CSGALNACT1: variants seen among roughly 807,000 people sequenced by gnomAD.
CSGALNACT1 encodes the protein chondroitin sulfate N-acetylgalactosaminyltransferase 1, also known as beta4GalNAcT-1.
In CSGALNACT1, 52 loss-of-function variants were observed where a neutral mutation model predicts 51.0. The ratio of observed to expected loss-of-function variants is 1.02; its 90% confidence interval spans 0.82 to 1.29. CSGALNACT1 has a LOEUF of 1.29. CSGALNACT1 is among the 50% of genes most tolerant of loss of function. The probability of loss-of-function intolerance (pLI) is 0.00; values close to 1 mark genes in which losing one functional copy is unlikely to be tolerated. For synonymous variants in CSGALNACT1, 341 were observed against 254.4 expected (o/e 1.34, Z -3.24); for missense variants, 935 against 679.2 (o/e 1.38, Z -4.19).
intron 6 of CSGALNACT1, among the ~76,000 whole-genome samples, chr8:19,436,923 A>G (rs1563384791): frequency 6.6e-6 from 1 of 152,138 alleles, no homozygotes. Context: ...AAATATACAA[A>G]ACACATTACT....
At chr8:19,666,768 A>G (rs571057100) in intron 1 of CSGALNACT1, among the ~76,000 whole-genome samples, 1 of 8,360 alleles carries the variant, frequency 1.2e-4, no homozygotes, top group Non-Finnish European at 2.3e-4. Flanking sequence ...AAGAAGAAAG[A>G]AAGAAAGAAA....
Position 19,505,213 on chromosome 8 carries a change from CAG to C in CSGALNACT1, c.620_621del (p.Ser207Ter). On this transcript the variant is annotated frameshift_variant, in exon 4 of 10. Transcript: ENST00000454498. LOFTEE classifies it high-confidence loss of function. Reference sequence around the variant, plus strand: ...ACAAAATGCTAACCTTCTATGAAATCAGAGGCCGTGTAAGGACGGTGATTGGG... The same window carrying C: ...ACAAAATGCTAACCTTCTATGAAATCAGGCCGTGTAAGGACGGTGATTGGG... The C allele has an allele frequency of 6.2e-7, 1 of 1,614,166 alleles. No individual in the cohort carries two copies. The highest frequency in any genetic ancestry group is 8.5e-7 in the Non-Finnish European group (1 of 1,180,038).
intron 1 of CSGALNACT1, among the ~76,000 whole-genome samples, chr8:19,729,789 T>A (rs1052796997): frequency 6.6e-6 from 1 of 152,000 alleles, no homozygotes; most frequent in Non-Finnish European, 1.5e-5. Context: ...TGGTCCCATA[T>A]GACCTTGAGC....
intron 1 of CSGALNACT1, among the ~76,000 whole-genome samples, chr8:19,640,557 A>G (rs2056621562): frequency 6.6e-6 from 1 of 152,198 alleles, no homozygotes; most frequent in Non-Finnish European, 1.5e-5. Flanking sequence ...TCAAACTCAA[A>G]ATCAGTTCTC....
chr8:19,443,189 G>A (rs941199433), intron 5 of CSGALNACT1, among the ~76,000 whole-genome samples: 2 of 152,192 alleles, frequency 1.3e-5, no homozygotes, highest in Non-Finnish European at 2.9e-5. Flanking sequence ...TGGCTAACCT[G>A]GGAAGGTCCT....
intron 6 of CSGALNACT1, among the ~76,000 whole-genome samples, chr8:19,431,686 T>C (rs952771916): frequency 2.6e-5 from 4 of 152,140 alleles, no homozygotes; most frequent in East Asian, 3.8e-4. Context: ...AAAGAGTAAG[T>C]TGGAAAGTGT....
chr8:19,525,450 C>CA (rs1231432896), intron 3 of CSGALNACT1, among the ~76,000 whole-genome samples: 1 of 149,214 alleles, frequency 6.7e-6, no homozygotes, highest in Non-Finnish European at 1.5e-5. Context: ...CTAAAAAATA[C>CA]AAAAAAGAAA....
At chr8:19,527,980 A>C (rs955333000) in intron 3 of CSGALNACT1, among the ~76,000 whole-genome samples, 1 of 152,138 alleles carries the variant, frequency 6.6e-6, no homozygotes, top group African/African-American at 2.4e-5. Flanking sequence ...GTGGGAAGAA[A>C]AGGTGGTGCT....
At chr8:19,593,920 T>C (rs1564187693) in intron 2 of CSGALNACT1, among the ~76,000 whole-genome samples, 1 of 152,086 alleles carries the variant, frequency 6.6e-6, no homozygotes, top group East Asian at 1.9e-4. Flanking sequence ...CTTCCCTGTC[T>C]CTCCCTCTAG....
intron 5 of CSGALNACT1, among the ~76,000 whole-genome samples, chr8:19,440,803 G>A (rs1432096053): frequency 1.3e-5 from 2 of 152,070 alleles, no homozygotes; most frequent in African/African-American, 4.8e-5. Context: ...TGACATGATT[G>A]TATATCTAGA....
At chr8:19,571,962 A>G (rs1299093971) in intron 3 of CSGALNACT1, among the ~76,000 whole-genome samples, 1 of 152,216 alleles carries the variant, frequency 6.6e-6, no homozygotes, top group Non-Finnish European at 1.5e-5. Context: ...CATTTTCATC[A>G]AATAAGTCAT....
At chr8:19,738,215 C>A (rs1040466486) in intron 1 of CSGALNACT1, among the ~76,000 whole-genome samples, 4 of 152,122 alleles carry the variant, frequency 2.6e-5, no homozygotes, top group African/African-American at 9.7e-5. Context: ...AGAGCAGGAT[C>A]TCATCTCCAT....
intron 3 of CSGALNACT1, among the ~76,000 whole-genome samples, chr8:19,580,114 C>G (rs926885973): frequency 6.6e-6 from 1 of 152,232 alleles, no homozygotes; most frequent in Non-Finnish European, 1.5e-5. Flanking sequence ...ACTGGACGAG[C>G]AGACAGCTGC....
intron 1 of CSGALNACT1, among the ~76,000 whole-genome samples, chr8:19,741,756 G>A (rs1274618202): frequency 6.6e-6 from 1 of 152,106 alleles, no homozygotes; most frequent in Non-Finnish European, 1.5e-5. Flanking sequence ...TAAGGAACTT[G>A]TCTACAGGAA....
At chr8:19,522,903 T>A (rs1023173067) in intron 3 of CSGALNACT1, among the ~76,000 whole-genome samples, 1 of 152,208 alleles carries the variant, frequency 6.6e-6, no homozygotes, top group Non-Finnish European at 1.5e-5. Context: ...ATGTCTGTGG[T>A]GAGCGGAGTT....
intron 1 of CSGALNACT1, among the ~76,000 whole-genome samples, chr8:19,687,979 C>T (rs549555425): frequency 6.6e-6 from 1 of 152,244 alleles, no homozygotes; most frequent in African/African-American, 2.4e-5. Context: ...TTCTTACATC[C>T]GTGTTGTGGT....
chr8:19,573,859 G>A (rs917386199), intron 3 of CSGALNACT1, among the ~76,000 whole-genome samples: 1 of 152,172 alleles, frequency 6.6e-6, no homozygotes, highest in Non-Finnish European at 1.5e-5. Context: ...AGAAGAAAAG[G>A]AGTAAGAGTC....
intron 4 of CSGALNACT1, among the ~76,000 whole-genome samples, chr8:19,496,260 A>AC (rs1181413801): frequency 6.6e-6 from 1 of 152,260 alleles, no homozygotes; most frequent in African/African-American, 2.4e-5. Context: ...TCTTTAAATC[A>AC]CCACCATAGA....
At chr8:19,498,788 T>G (rs1314898886) in intron 4 of CSGALNACT1, among the ~76,000 whole-genome samples, 1 of 152,170 alleles carries the variant, frequency 6.6e-6, no homozygotes, top group South Asian at 2.1e-4. Context: ...ATAGGAAACA[T>G]AAGCCAGGAA....
Sources: allele counts gnomAD v4.1 joint callset (sites outside exome capture counted in the v4.1 genomes callset), GRCh38; gene constraint gnomAD v4.1.1; transcripts MANE v1.5; gene names NCBI Gene and HGNC (gene_info 2026-07-23, HGNC 2026-07-21).